SLC28A3: variants seen among roughly 807,000 people sequenced by gnomAD.
SLC28A3 encodes the protein solute carrier family 28 member 3.
In SLC28A3, 68 loss-of-function variants were observed where a neutral mutation model predicts 84.2. The ratio of observed to expected loss-of-function variants is 0.81; its 90% CI spans 0.66 to 0.99. The LOEUF is 0.99. SLC28A3 is among the 50% of genes least tolerant of loss of function. SLC28A3 has a pLI of 0.00. For synonymous variants in SLC28A3, 267 were observed against 303.6 expected, an observed-to-expected ratio of 0.88 and a Z score of 1.25; for missense variants, 712 against 841.5, an observed-to-expected ratio of 0.85 and a Z score of 1.90.
At position 84,302,108 on chromosome 9, in the gene SLC28A3, A is replaced by G; in HGVS notation, c.524+92T>C. On this transcript the variant is annotated intron_variant, in intron 5 of 17. Coordinates refer to ENST00000376238, the MANE Select transcript of SLC28A3 (RefSeq NM_001199633.2). ...TGTTTCTAGCTTCCATATCCCATAA[A>G]TGAGGAAGCAATTTCAGAACAAATT... The G allele has an allele frequency of 2.4e-6, 3 of 1,252,982 alleles. No homozygotes were observed. The South Asian group carries it at 4.2e-5, about 18-fold the overall frequency. The allele number at this position is 1,252,982 out of a possible 1,614,324, so 77.6% of individuals were successfully genotyped here. A position where few individuals can be genotyped will look rare whatever the true frequency, so the allele number is the denominator to read the frequency against.
chr9:84,305,465 G>A (rs372194935), intron 3 of SLC28A3, 120 bp from the exon 4 acceptor site: 65 of 783,998 alleles, frequency 8.3e-5, no homozygotes, highest in African/African-American at 2.1e-4. Context: ...TGTGTGAGGC[G>A]TATGTCTTAC....
At chr9:84,346,273 A>T in the SLC28A3 span, among the ~76,000 whole-genome samples, 3 of 152,132 alleles carry the variant, frequency 2.0e-5, no homozygotes, top group Non-Finnish European at 4.4e-5. Context: ...AAAACACAAA[A>T]GTCCTCCATT....
At chr9:84,294,330 T>C in intron 8 of SLC28A3, 55 bp from the exon 9 acceptor site, 1 of 1,551,628 alleles carries the variant, frequency 6.4e-7, no homozygotes, top group Non-Finnish European at 8.9e-7. Flanking sequence ...CACCAGCAGG[T>C]TTTATATCAG....
In SLC28A3 at chr9:84,281,655, A is replaced by AGAT. The variant is rs562389467; in HGVS notation, c.1648-776_1648-774dup. Among the ~76,000 whole-genome samples, 9 of 152,374 alleles carry AGAT rather than the reference A, an allele frequency of 5.9e-5. No homozygotes were observed. In the South Asian group the frequency reaches 1.7e-3, roughly 28 times the overall value. On this transcript the variant is annotated intron_variant, in intron 14 of 17. Transcript: ENST00000376238. ...AGAAACAAAAACACATGCCACAAAA[A>AGAT]GATTGTACATAAATATATATGGCAG...
intron 10 of SLC28A3, among the ~76,000 whole-genome samples, chr9:84,290,751 C>G (rs981597469): frequency 6.6e-6 from 1 of 152,164 alleles, no homozygotes; most frequent in African/African-American, 2.4e-5. Context: ...TTCTAAGCCA[C>G]TGTGGCTTCC....
intron 7 of SLC28A3, 105 bp downstream of exon 7, chr9:84,297,801 A>T: frequency 1.1e-6 from 1 of 892,082 alleles, no homozygotes; most frequent in Non-Finnish European, 1.8e-6. Flanking sequence ...TTAAAATTTG[A>T]GACAACTCAT....
chr9:84,293,751 T>G (rs1327518596), intron 9 of SLC28A3, among the ~76,000 whole-genome samples: 1 of 152,214 alleles, frequency 6.6e-6, no homozygotes, highest in East Asian at 1.9e-4. Context: ...CTGTTTCTCC[T>G]TTTTGCTTCA....
intron 1 of SLC28A3, among the ~76,000 whole-genome samples, chr9:84,331,461 T>C (rs1588623051): frequency 6.6e-6 from 1 of 152,310 alleles, no homozygotes; most frequent in South Asian, 2.1e-4. Flanking sequence ...CAGGTTTGGA[T>C]CCCTGATGGA....
chr9:84,342,919 T>C (rs550555740), upstream of SLC28A3, among the ~76,000 whole-genome samples: 6 of 152,176 alleles, frequency 3.9e-5, no homozygotes, highest in South Asian at 1.0e-3. Flanking sequence ...ATCCCAGCAC[T>C]TTGGGAGGCC....
chr9:84,331,133 TA>T (rs1376163746), intron 1 of SLC28A3, among the ~76,000 whole-genome samples: 2 of 152,146 alleles, frequency 1.3e-5, no homozygotes, highest in Admixed American at 6.5e-5. Context: ...TGTTTTCCCC[TA>T]AAAATAAGTC....
rs746507834 is a variant in SLC28A3, at chr9:84,285,365, C to T, written c.1627G>A (p.Gly543Ser). ...RKEGGPKFVN[G>S]VQQYISIRSE... is the part of the protein sequence containing the mutation. ...CTCACTGATATATATTGCTGCACAC[C>T]GTTTACAAATTTGGGTCCACCTTCT... The change falls in exon 14 of 18, where the codon GGT (glycine) becomes AGT (serine). Residue 543 changes from glycine (G) to serine (S), a missense_variant. Coordinates refer to ENST00000376238, the MANE Select transcript of SLC28A3 (RefSeq NM_001199633.2). The T allele has an allele frequency of 2.3e-5, 37 of 1,613,872 alleles. No homozygotes were observed. Among genetic ancestry groups the T allele is most frequent in the African/African-American group, 1.1e-4 (8 of 74,864 alleles).
At chr9:84,325,163 C>CT (rs1037701380) in intron 1 of SLC28A3, among the ~76,000 whole-genome samples, 4 of 152,076 alleles carry the variant, frequency 2.6e-5, no homozygotes, top group Non-Finnish European at 4.4e-5. Context: ...CTTTACTACT[C>CT]TTTTTATCTC....
At chr9:84,290,358 T>C in intron 10 of SLC28A3, 79 bp from the exon 11 acceptor site, 1 of 1,547,716 alleles carries the variant, frequency 6.5e-7, no homozygotes, top group Non-Finnish European at 8.8e-7. Flanking sequence ...CTACTCACAA[T>C]TTTATTCTTT....
rs2118097944 is a variant in SLC28A3 at position 84,285,953 on chromosome 9, A to G, written c.1439T>C (p.Leu480Pro). Residue 480 changes from leucine (L) to proline (P), a missense_variant, in exon 13 of 18, where the codon CTG (leucine) becomes CCG (proline). Transcript: ENST00000376238. ...GTGATGTGATTATACCTCAAAACTC[A>G]GCTGTGGGTAGTCAAACATGTTTCC... ...WFGNMFDYPQ[L>P]SFELICSYIF... 1 of 1,613,530 alleles carries G rather than the reference A, an allele frequency of 6.2e-7. No homozygotes were observed. The highest frequency in any genetic ancestry group is 8.5e-7 in the Non-Finnish European group (1 of 1,179,708).
At chr9:84,335,717 G>A (rs10283608) in intron 1 of SLC28A3, among the ~76,000 whole-genome samples, 1,691 of 79,332 alleles carry the variant, frequency 0.021, 33 homozygotes, top group African/African-American at 0.051. Flanking sequence ...ATATACGTGT[G>A]TGTGTGTGTG....
intron 14 of SLC28A3, among the ~76,000 whole-genome samples, chr9:84,283,063 G>A (rs964795205): frequency 3.9e-5 from 6 of 152,338 alleles, no homozygotes; most frequent in African/African-American, 1.4e-4. Context: ...AACCAGGCAT[G>A]CTTATTAAGA....
chr9:84,302,504 G>T, intron 4 of SLC28A3, 115 bp from the exon 5 acceptor site: 1 of 934,846 alleles, frequency 1.1e-6, no homozygotes, highest in Non-Finnish European at 1.6e-6. Flanking sequence ...AAATATCACT[G>T]AATGCAGGAG....
At chr9:84,301,476 A>G (rs1350372525) in intron 5 of SLC28A3, among the ~76,000 whole-genome samples, 2 of 152,134 alleles carry the variant, frequency 1.3e-5, no homozygotes, top group Non-Finnish European at 2.9e-5. Context: ...CATTGAATAA[A>G]ATTGGAAGAA....
chr9:84,328,156 TACACACACACACACACACAC>T (rs71498096), intron 1 of SLC28A3, among the ~76,000 whole-genome samples: 3 of 131,900 alleles, frequency 2.3e-5, no homozygotes, highest in East Asian at 4.3e-4. Context: ...GGGAAAAGAC[TACACACACACACACACACAC>T]ACACACACAC....
Sources: allele counts gnomAD v4.1 joint callset (sites outside exome capture counted in the v4.1 genomes callset), GRCh38; gene constraint gnomAD v4.1.1; transcripts MANE v1.5; gene names NCBI Gene and HGNC (gene_info 2026-07-23, HGNC 2026-07-21).